Variants in BICDL1 observed in about 807,000 individuals in gnomAD.
BICDL1 encodes the protein BICD family-like cargo adapter 1.
A neutral mutation model predicts 76.8 loss-of-function variants in BICDL1; 20 were observed. The ratio of observed to expected loss-of-function variants is 0.26; its 90% confidence interval spans 0.18 to 0.38. The LOEUF is 0.38. BICDL1 is among the 10% of genes least tolerant of loss of function. The pLI is 1.00. For missense variants in BICDL1, 700 were observed against 798.6 expected (o/e 0.88, Z 1.49); for synonymous variants, 383 against 337.1 (o/e 1.14, Z -1.49).
chr12:119,998,893 A>G (rs933105546), intron 2 of BICDL1, among the ~76,000 whole-genome samples, 157 bp downstream of exon 2: 6 of 152,098 alleles, frequency 3.9e-5, no homozygotes, highest in Non-Finnish European at 5.9e-5. Flanking sequence ...CATCTCTACA[A>G]AAGTTTTTTA....
intron 2 of BICDL1, among the ~76,000 whole-genome samples, chr12:120,051,482 G>A (rs1952858611): frequency 6.6e-6 from 1 of 152,038 alleles, no homozygotes; most frequent in South Asian, 2.1e-4. Context: ...TTGTTTCCAT[G>A]GGTACATGTT....
chr12:120,044,446 G>A (rs1445139104), intron 2 of BICDL1, among the ~76,000 whole-genome samples: 1 of 152,110 alleles, frequency 6.6e-6, no homozygotes, highest in Non-Finnish European at 1.5e-5. Flanking sequence ...GCTCCTTAGG[G>A]TACACCCCAG....
chr12:120,073,855 C>A (rs2138954361), intron 6 of BICDL1, among the ~76,000 whole-genome samples: 1 of 152,328 alleles, frequency 6.6e-6, no homozygotes, highest in East Asian at 1.9e-4. Context: ...GCTTCCTTTC[C>A]CCCAAGCCTG....
At chr12:119,997,033 C>G (rs1427888031) in intron 1 of BICDL1, among the ~76,000 whole-genome samples, 1 of 151,644 alleles carries the variant, frequency 6.6e-6, no homozygotes, top group African/African-American at 2.4e-5. Flanking sequence ...ACTGCAAGCT[C>G]TGCCTCCCGG....
chr12:120,014,864 A>G (rs1014975672), intron 2 of BICDL1, among the ~76,000 whole-genome samples: 2 of 152,086 alleles, frequency 1.3e-5, no homozygotes, highest in African/African-American at 2.4e-5. Context: ...AATTATTTGT[A>G]TGTCATGTTA....
In BICDL1 at chr12:119,989,888, G is replaced by C. The variant is rs763803181; in HGVS notation, c.20G>C (p.Gly7Ala). The C allele has an allele frequency of 5.1e-5, 73 of 1,437,608 alleles. No homozygotes were observed. The Middle Eastern group carries it at 9.9e-4, about 19-fold the overall frequency. The allele number at this position is 1,437,608 out of a possible 1,614,324, so 89.1% of individuals were successfully genotyped here. A position where few individuals can be genotyped will look rare whatever the true frequency, so the allele number is the denominator to read the frequency against. Reference protein sequence around the residue: MSAFCLGLVGRASAPAE... With the variant: MSAFCLALVGRASAPAE... ...CGGGCCATGTCCGCTTTCTGCCTGGGCTTGGTCGGCCGCGCTTCAGCACCC... is the reference window on the plus strand; with the variant it reads ...CGGGCCATGTCCGCTTTCTGCCTGGCCTTGGTCGGCCGCGCTTCAGCACCC... The change falls in exon 1 of 10, where the codon GGC becomes GCC. Residue 7 changes from glycine (G) to alanine (A), a missense_variant. Gly to Ala is a moderately conservative substitution (Grantham distance 60, BLOSUM62 0). Transcript: ENST00000548673.
intron 2 of BICDL1, among the ~76,000 whole-genome samples, chr12:120,012,854 A>G (rs950758157): frequency 6.6e-6 from 1 of 152,184 alleles, no homozygotes; most frequent in Non-Finnish European, 1.5e-5. Flanking sequence ...ATAAAATATG[A>G]ATATAAGATC....
intron 2 of BICDL1, among the ~76,000 whole-genome samples, chr12:120,058,717 A>G (rs1195233480): frequency 6.7e-6 from 1 of 150,166 alleles, no homozygotes; most frequent in Non-Finnish European, 1.5e-5. Flanking sequence ...CAGCCTCCCG[A>G]GTGGCTAGGA....
chr12:120,024,473 A>G (rs1340982205), intron 2 of BICDL1, among the ~76,000 whole-genome samples: 1 of 152,222 alleles, frequency 6.6e-6, no homozygotes, highest in African/African-American at 2.4e-5. Flanking sequence ...AAAAACATCT[A>G]GCAGTGAGCT....
intron 2 of BICDL1, among the ~76,000 whole-genome samples, chr12:120,004,355 AC>A (rs1428469872): frequency 6.6e-6 from 1 of 152,066 alleles, no homozygotes; most frequent in Non-Finnish European, 1.5e-5. Context: ...ACTCCCTAAT[AC>A]CCAAAGAGAG....
chr12:120,088,648 C>T (rs575549239), intron 8 of BICDL1, among the ~76,000 whole-genome samples: 3 of 151,914 alleles, frequency 2.0e-5, no homozygotes, highest in Admixed American at 1.3e-4. Flanking sequence ...CGAGCCACCG[C>T]GCCTGGCCAC....
At chr12:119,995,866 G>T (rs1594088559) in intron 1 of BICDL1, among the ~76,000 whole-genome samples, 1 of 151,696 alleles carries the variant, frequency 6.6e-6, no homozygotes, top group East Asian at 1.9e-4. Context: ...GGCGCCTGTA[G>T]TCCCAGCTAC....
At chr12:120,091,796 G>A in intron 9 of BICDL1, 1 of 985,352 alleles carries the variant, frequency 1.0e-6, no homozygotes, top group Non-Finnish European at 1.2e-6. Flanking sequence ...TGGGTGGGAG[G>A]GAGGAGGAGT....
chr12:119,990,570 C>T (rs150003157), intron 1 of BICDL1, among the ~76,000 whole-genome samples: 82 of 152,310 alleles, frequency 5.4e-4, no homozygotes, highest in African/African-American at 1.9e-3. Flanking sequence ...TAAAATAGAG[C>T]TTACAGTATG....
chr12:119,990,346 A>G lies in BICDL1; in HGVS notation c.429+49A>G, dbSNP rs1178455714. On this transcript the variant is annotated intron_variant, in intron 1 of 9. Coordinates refer to ENST00000548673, the MANE Select transcript of BICDL1 (RefSeq NM_001367886.1). ...GGTGGGGAGCAGGGGCCGCCCAGGC[A>G]CGCGCCCGGCCCTGGGCAGTTAGGG... The G allele has an allele frequency of 3.2e-6, 5 of 1,539,858 alleles. No individual in the cohort carries two copies. In the East Asian group the frequency reaches 9.9e-5, roughly 31 times the overall value.
At position 120,079,706 on chromosome 12, in the gene BICDL1, G is replaced by C. The variant is rs1222224237; in HGVS notation, c.1453-1181G>C. On this transcript the variant is annotated intron_variant, in intron 7 of 9. Coordinates refer to ENST00000548673, the MANE Select transcript of BICDL1 (RefSeq NM_001367886.1). This position sits in a 1 kb window ranked among gnomAD's most constrained non-coding sequence, Gnocchi z 4.3. ...ACTCTGCTTAATGTAAGCAGAAAGA[G>C]AATGTATGAGACCTGAAAGCTTACA... is the stretch of plus-strand genomic sequence containing the variant. Among the ~76,000 whole-genome samples, 1 of 152,234 alleles carries C rather than the reference G, an allele frequency of 6.6e-6. No individual in the cohort carries two copies. Among genetic ancestry groups the C allele is most frequent in the Non-Finnish European group, 1.5e-5 (1 of 68,046 alleles).
chr12:120,091,036 C>T (rs977056338), intron 9 of BICDL1: 31 of 1,288,866 alleles, frequency 2.4e-5, no homozygotes, highest in African/African-American at 3.0e-5. Context: ...CTGAGCCCTA[C>T]ATCCCATCCA....
At chr12:120,036,546 TG>T (rs1476178376) in intron 2 of BICDL1, among the ~76,000 whole-genome samples, 5 of 152,186 alleles carry the variant, frequency 3.3e-5, no homozygotes, top group African/African-American at 4.8e-5. Context: ...GTTTAGGTAG[TG>T]ATTATGGCTG....
At chr12:120,017,793 A>G (rs965844558) in intron 2 of BICDL1, among the ~76,000 whole-genome samples, 11 of 152,232 alleles carry the variant, frequency 7.2e-5, no homozygotes, top group Non-Finnish European at 1.5e-4. Flanking sequence ...AGTGGCAGCT[A>G]GTATTAGTAG....
Sources: allele counts gnomAD v4.1 joint callset (sites outside exome capture counted in the v4.1 genomes callset), GRCh38; gene constraint gnomAD v4.1.1; non-coding constraint Gnocchi (gnomAD v3.1); transcripts MANE v1.5; gene names NCBI Gene and HGNC (gene_info 2026-07-23, HGNC 2026-07-21).